The following ERCC6 variants were observed in gnomAD, a reference collection of about 807,000 sequenced individuals.
The protein encoded by ERCC6 is ERCC excision repair 6, chromatin remodeling factor.
A neutral mutation model predicts 158.7 loss-of-function variants in ERCC6; 116 were observed. That is an observed-to-expected ratio of 0.73 (90% CI 0.63 to 0.85). ERCC6 has a LOEUF of 0.85. Among genes scored for constraint, ERCC6 ranks in the 40% least tolerant of loss-of-function variants. The probability of loss-of-function intolerance (pLI) is 0.00; values close to 1 mark genes in which losing one functional copy is unlikely to be tolerated. For missense variants in ERCC6, 1,698 were observed against 1,799.4 expected (o/e 0.94, Z 1.02); for synonymous variants, 678 against 659.3 (o/e 1.03, Z -0.43).
At chr10:49,527,404 G>C (rs1837365431) in intron 4 of ERCC6, among the ~76,000 whole-genome samples, 1 of 152,246 alleles carries the variant, frequency 6.6e-6, no homozygotes, top group Non-Finnish European at 1.5e-5. Flanking sequence ...GCTGGGTGCA[G>C]TGGCTCACAC....
intron 12 of ERCC6, chr10:49,475,583 T>C (rs1179591648): frequency 1.4e-5 from 4 of 277,414 alleles, no homozygotes; most frequent in Non-Finnish European, 2.1e-5. Context: ...ACATTATTTA[T>C]ACAATAGAGT....
At chr10:49,445,632 G>A in the ERCC6 span, among the ~76,000 whole-genome samples, 1 of 152,100 alleles carries the variant, frequency 6.6e-6, no homozygotes, top group South Asian at 2.1e-4. Flanking sequence ...TACCCAAAAG[G>A]CCTTCTAAAC....
the ERCC6 span, among the ~76,000 whole-genome samples, chr10:49,448,743 T>C: frequency 1.3e-5 from 2 of 152,226 alleles, no homozygotes; most frequent in Non-Finnish European, 2.9e-5. Context: ...TGGTCTTTCA[T>C]GACTTTTTCA....
At chr10:49,494,202 C>T (rs1433360040) in intron 7 of ERCC6, among the ~76,000 whole-genome samples, 2 of 152,136 alleles carry the variant, frequency 1.3e-5, no homozygotes, top group Non-Finnish European at 2.9e-5. Context: ...ATCTCGGGCA[C>T]ACCATTTAAC....
chr10:49,526,117 TTATATATATATATATATATATATATA>T lies in ERCC6; in HGVS notation c.653-1366_653-1341del, dbSNP rs55801003. On this transcript the variant is annotated intron_variant, in intron 4 of 20. Coordinates refer to ENST00000355832, the MANE Select transcript of ERCC6 (RefSeq NM_000124.4). The stretch of plus-strand genomic sequence containing the variant: ...TATATATTTATATATTTATATATTT[TTATATATATATATATATATATATATA>T]TATATATATATATATATATCTGGGT... Among the ~76,000 whole-genome samples, 97 of 43,614 alleles carry T rather than the reference TTATATATATATATATATATATATATA, an allele frequency of 2.2e-3. 1 individual carries two copies. Among genetic ancestry groups the T allele is most frequent in the East Asian group, 8.0e-3 (15 of 1,882 alleles). 28.6% of individuals were successfully genotyped at this position (43,614 alleles called of 152,430 possible).
intron 7 of ERCC6, among the ~76,000 whole-genome samples, chr10:49,499,319 C>A (rs1424023744): frequency 1.3e-5 from 2 of 152,174 alleles, no homozygotes; most frequent in South Asian, 2.1e-4. Flanking sequence ...ACACTCCTCA[C>A]AGAAGTATTG....
At chr10:49,439,412 C>A in the ERCC6 span, among the ~76,000 whole-genome samples, 9 of 152,228 alleles carry the variant, frequency 5.9e-5, no homozygotes, top group African/African-American at 1.9e-4. Flanking sequence ...ACAGCTGGAG[C>A]AGCTGGGATG....
rs1025213645 is a variant in ERCC6 at position 49,515,078 on chromosome 10, A to C, written c.1397+8955T>G. ...ATTTGTGTCTCAGCTTTGTTATTTA[A>C]AAGAAGGCAATGTGCTCTCTAAGAA... On this transcript the variant is annotated intron_variant, in intron 5 of 20. Coordinates refer to ENST00000355832, the MANE Select transcript of ERCC6 (RefSeq NM_000124.4). 8.9e-6 allele frequency: 6 copies of C among 673,326 alleles called. No individual in the cohort carries two copies. In the Admixed American group the frequency reaches 2.6e-4, roughly 29 times the overall value. The allele number at this position is 673,326 out of a possible 1,614,324, so 41.7% of individuals were successfully genotyped here.
chr10:49,536,061 A>G (rs1262690509), intron 1 of ERCC6, among the ~76,000 whole-genome samples: 1 of 152,206 alleles, frequency 6.6e-6, no homozygotes. Flanking sequence ...GGTTGCAGTG[A>G]GCTGAGATCA....
intron 18 of ERCC6, among the ~76,000 whole-genome samples, chr10:49,467,693 G>A (rs1850701808): frequency 6.6e-6 from 1 of 151,786 alleles, no homozygotes; most frequent in South Asian, 2.1e-4. Context: ...AGCCTCGCAA[G>A]TAGCTGGGAC....
chr10:49,515,191 AC>A (rs1336071378), intron 5 of ERCC6: 1 of 1,309,126 alleles, frequency 7.6e-7, no homozygotes, highest in East Asian at 2.9e-5. Context: ...AATTCAAGGA[AC>A]AAAAATTTGA....
chr10:49,463,973 G>C (rs953770853), intron 18 of ERCC6, among the ~76,000 whole-genome samples: 1 of 152,176 alleles, frequency 6.6e-6, no homozygotes, highest in Non-Finnish European at 1.5e-5. Flanking sequence ...GGTACCAGTG[G>C]GGAGGTGCGC....
chr10:49,510,202 T>C (rs1851510014), intron 5 of ERCC6, among the ~76,000 whole-genome samples: 1 of 152,110 alleles, frequency 6.6e-6, no homozygotes, highest in Non-Finnish European at 1.5e-5. Context: ...CTTCCCCCAG[T>C]TGTAACCTAT....
At chr10:49,485,201 G>A (rs1851055916) in intron 8 of ERCC6, among the ~76,000 whole-genome samples, 1 of 152,156 alleles carries the variant, frequency 6.6e-6, no homozygotes, top group Admixed American at 6.5e-5. Flanking sequence ...AGGACAGAGG[G>A]GCCATCACTA....
Position 49,524,409 on chromosome 10 carries a change from G to A in ERCC6, c.1021C>T (p.Gln341Ter). The A allele has an allele frequency of 6.2e-7, 1 of 1,614,166 alleles. No individual in the cohort carries two copies. The highest frequency in any genetic ancestry group is 8.5e-7 in the Non-Finnish European group (1 of 1,180,044). The part of the protein sequence containing the change: ...HIKKLQKRAL[Q>*]FQGKVGLPKA... ...GGCAATCCCACTTTCCCCTGGAACT[G>A]CAAAGCCCTCTTCTGGAGTTTCTTG... Residue 341 changes from glutamine to a stop codon, truncating the protein, a stop_gained, in exon 5 of 21, where the codon CAG becomes TAG. Transcript: ENST00000355832. LOFTEE classifies it high-confidence loss of function.
chr10:49,459,010 C>T lies in ERCC6; in HGVS notation c.4287G>A (p.Val1429=), dbSNP rs770862651. 1.9e-6 allele frequency: 3 copies of T among 1,614,196 alleles called. No individual in the cohort carries two copies. Among genetic ancestry groups the T allele is most frequent in the South Asian group, 1.1e-5 (1 of 91,088 alleles). The change falls in exon 21 of 21, where the codon GTG becomes GTA. Residue 1429 remains valine, a synonymous_variant. Transcript: ENST00000355832. ...LPTTEHDDLL[V]EMRNFIAFQA... is the part of the protein sequence containing the mutation. ...GGAAAGCGATGAAGTTTCTCATCTC[C>T]ACCAGAAGGTCATCGTGTTCTGTGG...
chr10:49,447,794 C>T, the ERCC6 span, among the ~76,000 whole-genome samples: 1 of 151,802 alleles, frequency 6.6e-6, no homozygotes, highest in South Asian at 2.1e-4. Flanking sequence ...CTATAGAATT[C>T]CCTGTTCTGT....
chr10:49,491,320 T>C (rs567230459), intron 8 of ERCC6, among the ~76,000 whole-genome samples: 1 of 152,362 alleles, frequency 6.6e-6, no homozygotes, highest in East Asian at 1.9e-4. Context: ...TCTTTAGTGA[T>C]CTAAGATACT....
chr10:49,475,370 C>CA (rs1850858528), intron 12 of ERCC6: 1 of 436,642 alleles, frequency 2.3e-6, no homozygotes, highest in Non-Finnish European at 4.6e-6. Context: ...AGAAAATTTA[C>CA]AATTCCAAGT....
Sources: gnomAD v4.1 joint callset for allele counts (sites outside exome capture counted in the v4.1 genomes callset) on GRCh38, gnomAD v4.1.1 for gene constraint, MANE v1.5 for transcripts, NCBI Gene and HGNC (gene_info 2026-07-23, HGNC 2026-07-21) for gene names.